Variants in TTLL4 observed in about 807,000 individuals in gnomAD.
TTLL4 encodes the protein tubulin monoglutamylase TTLL4.
In TTLL4, 85 loss-of-function variants were observed where a neutral mutation model predicts 122.7. The observed-to-expected ratio is 0.69, with a 90% CI of 0.58 to 0.83. The LOEUF is 0.83. TTLL4 is among the 40% of genes least tolerant of loss of function. The probability of loss-of-function intolerance (pLI) is 0.00; values close to 1 mark genes in which losing one functional copy is unlikely to be tolerated. For synonymous variants in TTLL4, 553 were observed against 563.0 expected (o/e 0.98, Z 0.25); for missense variants, 1,363 against 1,488.6 (o/e 0.92, Z 1.39).
intron 18 of TTLL4, 166 bp downstream of exon 18, chr2:218,753,351 G>A: frequency 1.1e-6 from 1 of 880,940 alleles, no homozygotes; most frequent in Middle Eastern, 3.5e-4. Flanking sequence ...TTGCCTCCAG[G>A]ATTCCCTGGG....
intron 5 of TTLL4, 89 bp from the exon 6 acceptor site, chr2:218,745,020 A>G: frequency 6.6e-7 from 1 of 1,524,534 alleles, no homozygotes; most frequent in Non-Finnish European, 8.9e-7. Flanking sequence ...AAAAGACAGC[A>G]CTTGGAAATA....
chr2:218,745,516 G>T, intron 6 of TTLL4, 175 bp from the exon 7 acceptor site: 1 of 641,926 alleles, frequency 1.6e-6, no homozygotes, highest in Non-Finnish European at 2.8e-6. Context: ...CCTCATTCCT[G>T]CACAGCCCCT....
Position 218,754,433 on chromosome 2 carries a change from G to A in TTLL4, c.*44G>A. The A allele has an allele frequency of 6.2e-7, 1 of 1,608,424 alleles. No homozygotes were observed. Among genetic ancestry groups the A allele is most frequent in the Non-Finnish European group, 8.5e-7 (1 of 1,177,436 alleles). ...CCTCTGCCCAGGAGCATGGGCATCA[G>A]CTACCTCACGGGAACCAGCCTGCTG... On this transcript the variant is annotated 3_prime_UTR_variant, in exon 20 of 20. Transcript: ENST00000392102.
downstream of TTLL4, among the ~76,000 whole-genome samples, chr2:218,756,831 TG>T (rs1245614727): frequency 6.6e-6 from 1 of 152,046 alleles, no homozygotes; most frequent in Admixed American, 6.6e-5. Flanking sequence ...AGTAAGGGCT[TG>T]GGGTGGAAAG....
intron 1 of TTLL4, among the ~76,000 whole-genome samples, chr2:218,711,271 C>T (rs879796679): frequency 6.6e-6 from 1 of 152,226 alleles, no homozygotes; most frequent in Non-Finnish European, 1.5e-5. Context: ...CGCCACGCCC[C>T]GCGAACTTAG....
intron 1 of TTLL4, among the ~76,000 whole-genome samples, chr2:218,718,079 C>G (rs1009412392): frequency 2.6e-5 from 4 of 152,182 alleles, no homozygotes; most frequent in Admixed American, 2.6e-4. Flanking sequence ...GTGAGCCTGT[C>G]AGTTCTATCT....
chr2:218,748,792 TTCCTAGA>T, intron 12 of TTLL4, 37 bp from the exon 13 acceptor site: 1 of 1,566,946 alleles, frequency 6.4e-7, no homozygotes, highest in Non-Finnish European at 8.8e-7. Context: ...TTGTCACTCA[TTCCTAGA>T]ATTTAATTCC....
At chr2:218,732,438 T>A (rs930921411) in intron 2 of TTLL4, among the ~76,000 whole-genome samples, 6 of 152,170 alleles carry the variant, frequency 3.9e-5, no homozygotes, top group Middle Eastern at 3.2e-3. Context: ...CTTAGAAATA[T>A]AAGGGACACT....
At position 218,746,211 on chromosome 2, in the gene TTLL4, T is replaced by A. The variant is rs377329687; in HGVS notation, c.1954T>A (p.Ser652Thr). 12 of 1,613,938 alleles carry A rather than the reference T, an allele frequency of 7.4e-6. No individual in the cohort carries two copies. Among genetic ancestry groups the A allele is most frequent in the Non-Finnish European group, 1.0e-5 (12 of 1,179,990 alleles). The change falls in exon 8 of 20, where the codon TCC (serine) becomes ACC (threonine). Residue 652 changes from serine (S) to threonine (T), a missense_variant. Physicochemically the swap from Ser to Thr is moderately conservative, Grantham distance 58. Transcript: ENST00000392102. ...CCACATGAAGTCTCCTAGTTTCCGA[T>A]CCATTCGAGAGCATCAGAAGGTAGG... ...GHHMKSPSFR[S>T]IREHQKLNHF...
intron 1 of TTLL4, among the ~76,000 whole-genome samples, chr2:218,720,407 G>A (rs757655344): frequency 3.3e-5 from 5 of 152,122 alleles, no homozygotes; most frequent in African/African-American, 9.7e-5. Flanking sequence ...AGAGGGGAAC[G>A]CCTTTTTCAT....
At chr2:218,758,697 A>G (rs1366957942), downstream of TTLL4, among the ~76,000 whole-genome samples, 1 of 152,218 alleles carries the variant, frequency 6.6e-6, no homozygotes, top group African/African-American at 2.4e-5. Context: ...GAAAATACCA[A>G]GTGTCAGTAT....
chr2:218,746,370 A>G, intron 8 of TTLL4, 139 bp downstream of exon 8: 2 of 848,288 alleles, frequency 2.4e-6, no homozygotes, highest in Non-Finnish European at 3.8e-6. Context: ...AGGAGAAAGT[A>G]CAGGACGGGG....
At chr2:218,725,492 T>A (rs1364968628) in intron 1 of TTLL4, among the ~76,000 whole-genome samples, 2 of 152,210 alleles carry the variant, frequency 1.3e-5, no homozygotes, top group African/African-American at 4.8e-5. Context: ...ATAAAAACAT[T>A]CTACACTTTA....
chr2:218,737,457 C>T (rs899031297), intron 2 of TTLL4, 122 bp from the exon 3 acceptor site: 25 of 489,812 alleles, frequency 5.1e-5, no homozygotes, highest in East Asian at 9.7e-5. Context: ...CCCCAAATGA[C>T]GACCAAGACT....
chr2:218,736,419 T>G (rs1942524886), intron 2 of TTLL4: 3 of 152,312 alleles, frequency 2.0e-5, no homozygotes. Context: ...GAAGGCTGGC[T>G]TACAGGTTTT....
chr2:218,748,814 A>G (rs992060469), intron 12 of TTLL4, 22 bp from the exon 13 acceptor site: 3 of 1,608,162 alleles, frequency 1.9e-6, no homozygotes, highest in Admixed American at 1.7e-5. Context: ...AATTCCTAAT[A>G]CTTCCTCTTC....
At chr2:218,733,596 G>A (rs1942438157) in intron 2 of TTLL4, among the ~76,000 whole-genome samples, 1 of 152,176 alleles carries the variant, frequency 6.6e-6, no homozygotes, top group Non-Finnish European at 1.5e-5. Context: ...CAAGAAGTGG[G>A]AAATGACCAT....
chr2:218,752,427 TAAGG>T (rs1488210395), intron 16 of TTLL4, among the ~76,000 whole-genome samples: 2 of 152,188 alleles, frequency 1.3e-5, no homozygotes, highest in Non-Finnish European at 2.9e-5. Flanking sequence ...TCAGAGCAGA[TAAGG>T]AAGCTGGATT....
intron 2 of TTLL4, among the ~76,000 whole-genome samples, chr2:218,734,940 G>A (rs1043476531): frequency 3.3e-5 from 5 of 152,192 alleles, no homozygotes; most frequent in African/African-American, 1.2e-4. Flanking sequence ...TTGGATTTGT[G>A]TGGTGGTCCA....
Sources: gnomAD v4.1 joint callset for allele counts (sites outside exome capture counted in the v4.1 genomes callset) on GRCh38, gnomAD v4.1.1 for gene constraint, MANE v1.5 for transcripts, NCBI Gene and HGNC (gene_info 2026-07-23, HGNC 2026-07-21) for gene names.